Variants in MDGA2 observed in about 807,000 individuals in gnomAD.
MDGA2 encodes the protein MAM domain containing glycosylphosphatidylinositol anchor 2.
In MDGA2, 40 loss-of-function variants were observed where a neutral mutation model predicts 117.8. That is an observed-to-expected ratio of 0.34 (90% CI 0.26 to 0.44). MDGA2 has a LOEUF of 0.44. Ranked by LOEUF, MDGA2 falls within the 20% of genes least tolerant of loss-of-function variation. The pLI is 1.00. For synonymous variants in MDGA2, 452 were observed against 439.0 expected (o/e 1.03, Z -0.37); for missense variants, 1,123 against 1,250.6 (o/e 0.90, Z 1.54).
intron 7 of MDGA2, among the ~76,000 whole-genome samples, chr14:47,054,022 A>G (rs1467613711): frequency 6.6e-6 from 1 of 151,994 alleles, no homozygotes; most frequent in East Asian, 1.9e-4. Context: ...CCTGATATCA[A>G]TCAGGCTTTT....
At position 47,053,632 on chromosome 14, in the gene MDGA2, T is replaced by C. The variant is rs865966063; in HGVS notation, c.1525+7617A>G. On this transcript the variant is annotated intron_variant, in intron 7 of 16. Transcript: ENST00000399232. ...ATATATATATATATATATATATATA[T>C]ATATATATATATATATATATATACA... Among the ~76,000 whole-genome samples, 497 of 95,220 alleles carry C rather than the reference T, an allele frequency of 5.2e-3. 17 individuals carry two copies. The highest frequency in any genetic ancestry group is 0.02 in the African/African-American group (466 of 22,992). 62.5% of individuals were successfully genotyped at this position (95,220 alleles called of 152,430 possible). A position where few individuals can be genotyped will look rare whatever the true frequency, so the allele number is the denominator to read the frequency against.
At chr14:47,169,060 G>A (rs973944657) in intron 3 of MDGA2, among the ~76,000 whole-genome samples, 1 of 151,856 alleles carries the variant, frequency 6.6e-6, no homozygotes, top group African/African-American at 2.4e-5. Context: ...TATTTAGTTG[G>A]TCTTTCTCAG....
intron 1 of MDGA2, among the ~76,000 whole-genome samples, chr14:47,627,877 C>G (rs768933892): frequency 3.9e-5 from 6 of 152,166 alleles, no homozygotes; most frequent in African/African-American, 4.8e-5. Context: ...AGCAAGACCA[C>G]GAACCCACCA....
chr14:47,027,664 A>C (rs2138615999), intron 8 of MDGA2, among the ~76,000 whole-genome samples: 1 of 150,556 alleles, frequency 6.6e-6, no homozygotes, highest in East Asian at 1.9e-4. Context: ...TCAGTCCTTA[A>C]GAGACTGAAA....
chr14:46,956,866 T>G (rs777905564), intron 9 of MDGA2, among the ~76,000 whole-genome samples: 1 of 152,232 alleles, frequency 6.6e-6, no homozygotes, highest in Middle Eastern at 3.4e-3. Flanking sequence ...CTCGTGATGG[T>G]GAGTCAGTTC....
intron 7 of MDGA2, chr14:47,059,242 G>T: frequency 9.8e-7 from 1 of 1,021,768 alleles, no homozygotes; most frequent in Non-Finnish European, 1.3e-6. Context: ...ATAGCAATGA[G>T]TGATGCAGAC....
intron 3 of MDGA2, among the ~76,000 whole-genome samples, chr14:47,182,491 A>C (rs1263626665): frequency 6.6e-6 from 1 of 152,188 alleles, no homozygotes; most frequent in Non-Finnish European, 1.5e-5. Context: ...AAAGGCCAGC[A>C]GAAGAGGACA....
At chr14:47,053,444 A>AGGTG (rs1889527305) in intron 7 of MDGA2, among the ~76,000 whole-genome samples, 1 of 151,548 alleles carries the variant, frequency 6.6e-6, no homozygotes, top group African/African-American at 2.4e-5. Flanking sequence ...CCTTCTCACA[A>AGGTG]ACATACATCC....
intron 1 of MDGA2, among the ~76,000 whole-genome samples, chr14:47,344,869 G>A (rs1594808744): frequency 1.5e-5 from 2 of 137,168 alleles, no homozygotes; most frequent in South Asian, 5.0e-4. Context: ...CTCTGTGTGT[G>A]TATGAGAGTG....
At chr14:47,443,102 C>T (rs568211156) in intron 1 of MDGA2, among the ~76,000 whole-genome samples, 4 of 152,184 alleles carry the variant, frequency 2.6e-5, no homozygotes, top group East Asian at 1.9e-4. Flanking sequence ...AAACAGTGCA[C>T]GTTCTCAACT....
At chr14:47,181,204 G>C (rs1222003368) in intron 3 of MDGA2, among the ~76,000 whole-genome samples, 1 of 152,088 alleles carries the variant, frequency 6.6e-6, no homozygotes. Context: ...GCATGCATTA[G>C]GTGTTTGTCC....
intron 3 of MDGA2, among the ~76,000 whole-genome samples, chr14:47,179,032 C>A (rs1884593251): frequency 6.6e-6 from 1 of 152,062 alleles, no homozygotes; most frequent in African/African-American, 2.4e-5. Context: ...TGGTAGATAA[C>A]CGGTCTATAT....
chr14:47,577,954 C>A (rs1458860060), intron 1 of MDGA2, among the ~76,000 whole-genome samples: 2 of 152,092 alleles, frequency 1.3e-5, no homozygotes, highest in African/African-American at 4.8e-5. Context: ...CATCCTACGG[C>A]AAAGACACAT....
chr14:47,150,153 T>C (rs1209746066), intron 3 of MDGA2, among the ~76,000 whole-genome samples: 2 of 152,160 alleles, frequency 1.3e-5, no homozygotes, highest in East Asian at 3.9e-4. Context: ...ATAGGCAACT[T>C]CCATAGGTCC....
chr14:47,459,356 T>C (rs1457655403), intron 1 of MDGA2, among the ~76,000 whole-genome samples: 1 of 152,084 alleles, frequency 6.6e-6, no homozygotes, highest in Non-Finnish European at 1.5e-5. Context: ...TGTACTATTT[T>C]AAAGCATGAA....
At chr14:47,475,170 C>T (rs1893811513) in intron 1 of MDGA2, among the ~76,000 whole-genome samples, 1 of 152,086 alleles carries the variant, frequency 6.6e-6, no homozygotes, top group Non-Finnish European at 1.5e-5. Flanking sequence ...GAGCAAAGGA[C>T]ATGCACAGAC....
At chr14:47,300,885 T>A (rs540842777) in intron 2 of MDGA2, among the ~76,000 whole-genome samples, 1 of 152,186 alleles carries the variant, frequency 6.6e-6, no homozygotes, top group African/African-American at 2.4e-5. Flanking sequence ...AAGCTGTGGA[T>A]GACGATTCTG....
chr14:47,039,663 A>G (rs1243032826), intron 7 of MDGA2, among the ~76,000 whole-genome samples: 1 of 152,208 alleles, frequency 6.6e-6, no homozygotes, highest in African/African-American at 2.4e-5. Context: ...AAACAGCTTA[A>G]TGGAGTTGTT....
At chr14:47,588,315 G>C (rs1440130512) in intron 1 of MDGA2, among the ~76,000 whole-genome samples, 1 of 146,212 alleles carries the variant, frequency 6.8e-6, no homozygotes, top group Admixed American at 6.9e-5. Context: ...GTAATTTAAT[G>C]ATTAACATTT....
Sources: gnomAD v4.1 joint callset for allele counts (sites outside exome capture counted in the v4.1 genomes callset) on GRCh38, gnomAD v4.1.1 for gene constraint, MANE v1.5 for transcripts, NCBI Gene and HGNC (gene_info 2026-07-23, HGNC 2026-07-21) for gene names.